Variants in WDHD1 observed in about 807,000 individuals in gnomAD.
WDHD1 encodes the protein WD repeat and HMG-box DNA-binding protein 1.
WDHD1 carries 111 observed loss-of-function variants against 135.4 expected under a neutral mutation model. The observed-to-expected ratio is 0.82, with a 90% CI of 0.70 to 0.96. The LOEUF is 0.96. WDHD1 is among the 40% of genes least tolerant of loss of function. The pLI is 0.00. For synonymous variants in WDHD1, 434 were observed against 439.0 expected (o/e 0.99, Z 0.14); for missense variants, 1,351 against 1,336.3 (o/e 1.01, Z -0.17).
In WDHD1 at chr14:54,966,516, CTTGA is replaced by C; in HGVS notation, c.2265_2268del (p.Asn755LysfsTer10). The C allele has an allele frequency of 6.2e-7, 1 of 1,607,420 alleles. No individual in the cohort carries two copies. Among genetic ancestry groups the C allele is most frequent in the Non-Finnish European group, 8.5e-7 (1 of 1,178,682 alleles). On this transcript the variant is annotated frameshift_variant, in exon 18 of 26. Coordinates refer to ENST00000360586, the MANE Select transcript of WDHD1 (RefSeq NM_007086.4). LOFTEE classifies it high-confidence loss of function. ...AAAAGTTCCTGTTGCTCTTTTGTTG[CTTGA>C]TTTTTAGTGCTCTCTTCATATTCAT...
At chr14:55,013,338 G>T in intron 3 of WDHD1, 147 bp downstream of exon 3, 1 of 538,810 alleles carries the variant, frequency 1.9e-6, no homozygotes, top group Non-Finnish European at 3.2e-6. Flanking sequence ...AAATGGTAGG[G>T]CAAGTTACGG....
intron 24 of WDHD1, among the ~76,000 whole-genome samples, chr14:54,948,228 G>A (rs1392568975): frequency 1.3e-5 from 2 of 152,038 alleles, no homozygotes; most frequent in Non-Finnish European, 2.9e-5. Flanking sequence ...GTGGCACACC[G>A]AGTGTGAGCT....
chr14:55,017,200 C>T (rs966989870), intron 2 of WDHD1, among the ~76,000 whole-genome samples: 2 of 152,112 alleles, frequency 1.3e-5, no homozygotes, highest in Non-Finnish European at 2.9e-5. Flanking sequence ...CAAACTTTGG[C>T]AGGAAATAGC....
rs561642706 is a variant in WDHD1, at chr14:54,958,062, A to G, written c.2702-427T>C. 1.7e-3 allele frequency among the ~76,000 whole-genome samples: 254 copies of G among 152,206 alleles called. 1 individual carries two copies. The highest frequency in any genetic ancestry group is 2.7e-3 in the Non-Finnish European group (183 of 68,004). On this transcript the variant is annotated intron_variant, in intron 21 of 25. Transcript: ENST00000360586. ...AGTCTCCCAACTTAAAAAGAAACAA[A>G]AAACAAACCTTCTCTACCCCACATT... is the stretch of plus-strand genomic sequence containing the variant.
rs1303682782 is a variant in WDHD1 at position 55,026,767 on chromosome 14, T to G, written c.21A>C (p.Pro7=). MPATRK[P]MRYGHTEGHT... is the part of the protein sequence containing the mutation. ...GTCCCTCTGTATGCCCATATCTCAT[T>G]GGCTTCCGTGTGGCAGGCATGTTTT... The change falls in exon 2 of 26, where the codon CCA becomes CCC. Residue 7 remains proline, a synonymous_variant. Coordinates refer to ENST00000360586, the MANE Select transcript of WDHD1 (RefSeq NM_007086.4). The G allele has an allele frequency of 6.2e-7, 1 of 1,614,228 alleles. No individual in the cohort carries two copies. The highest frequency in any genetic ancestry group is 8.5e-7 in the Non-Finnish European group (1 of 1,180,030).
chr14:54,987,437 C>CATATAT (rs139807986), intron 13 of WDHD1, 50 bp from the exon 14 acceptor site: 250,935 of 1,318,456 alleles, frequency 0.19, 15,012 homozygotes, highest in Non-Finnish European at 0.2. Flanking sequence ...ATGATATTTA[C>CATATAT]ATATATATAT....
chr14:54,997,035 C>G (rs1452704187), intron 10 of WDHD1, among the ~76,000 whole-genome samples: 2 of 151,278 alleles, frequency 1.3e-5, no homozygotes, highest in Non-Finnish European at 2.9e-5. Flanking sequence ...CGTGATCCAC[C>G]CGCCTCAGAC....
intron 18 of WDHD1, among the ~76,000 whole-genome samples, chr14:54,965,881 G>A (rs1439946214): frequency 1.3e-5 from 2 of 151,564 alleles, no homozygotes; most frequent in Admixed American, 6.6e-5. Context: ...ACTTGAACCC[G>A]GGAAGTGGAG....
intron 3 of WDHD1, among the ~76,000 whole-genome samples, chr14:55,013,194 CAAAA>C (rs71448422): frequency 1.8e-4 from 15 of 82,316 alleles, no homozygotes; most frequent in African/African-American, 3.6e-4. Context: ...GATCCCGTTT[CAAAA>C]AAAAAAAAAA....
intron 1 of WDHD1, 56 bp from the exon 2 acceptor site, chr14:55,026,859 G>T: frequency 1.3e-6 from 2 of 1,565,090 alleles, no homozygotes; most frequent in Non-Finnish European, 1.8e-6. Flanking sequence ...AAGCAGCGAG[G>T]CTAGGGATAG....
chr14:55,010,300 G>T lies in WDHD1; in HGVS notation c.341+9C>A. ...CATTATTTCCTTTTCTGATGTCAAAGAGCCTTACCTAGATCCAGCAGCAAT... is the reference window on the plus strand; with the variant it reads ...CATTATTTCCTTTTCTGATGTCAAATAGCCTTACCTAGATCCAGCAGCAAT... On this transcript the variant is annotated intron_variant, in intron 4 of 25. Transcript: ENST00000360586. The T allele has an allele frequency of 6.3e-7, 1 of 1,575,742 alleles. No individual in the cohort carries two copies. Among genetic ancestry groups the T allele is most frequent in the Non-Finnish European group, 8.6e-7 (1 of 1,163,236 alleles).
At chr14:55,013,681 G>C (rs1355858404) in intron 2 of WDHD1, 85 bp from the exon 3 acceptor site, 23 of 1,036,332 alleles carry the variant, frequency 2.2e-5, no homozygotes, top group Admixed American at 3.5e-5. Flanking sequence ...CAAGGTGGGA[G>C]GATTGCTTGA....
At chr14:54,969,317 C>T (rs1259024297) in intron 16 of WDHD1, among the ~76,000 whole-genome samples, 1 of 147,882 alleles carries the variant, frequency 6.8e-6, no homozygotes, top group Non-Finnish European at 1.5e-5. Context: ...TGAGCCACCG[C>T]GCCCAGCATT....
At chr14:54,953,735 A>G (rs2041102438) in intron 24 of WDHD1, among the ~76,000 whole-genome samples, 2 of 152,224 alleles carry the variant, frequency 1.3e-5, no homozygotes, top group Non-Finnish European at 2.9e-5. Flanking sequence ...ATGTTCATCA[A>G]TGATAGACTA....
In WDHD1 at chr14:54,944,313, T is replaced by C; in HGVS notation, c.3189+19A>G. ...CTGGGAATTCACTAAGATCTCAATC[T>C]CGGCACAATTATCCTTACCTTTCTT... On this transcript the variant is annotated intron_variant, in intron 25 of 25. Transcript: ENST00000360586. 1 of 1,597,210 alleles carries C rather than the reference T, an allele frequency of 6.3e-7. No homozygotes were observed. Among genetic ancestry groups the C allele is most frequent in the Non-Finnish European group, 8.5e-7 (1 of 1,176,182 alleles).
intron 11 of WDHD1, among the ~76,000 whole-genome samples, chr14:54,993,861 A>G (rs2041834230): frequency 6.6e-6 from 1 of 152,176 alleles, no homozygotes; most frequent in South Asian, 2.1e-4. Flanking sequence ...TAATATGTAA[A>G]TGACGATAGC....
At chr14:54,979,161 G>A (rs1448147124) in intron 16 of WDHD1, among the ~76,000 whole-genome samples, 2 of 151,896 alleles carry the variant, frequency 1.3e-5, no homozygotes, top group Non-Finnish European at 2.9e-5. Flanking sequence ...TCACACCAAA[G>A]TTCTTTTTTT....
At chr14:55,001,545 G>A (rs1183105558) in intron 8 of WDHD1, among the ~76,000 whole-genome samples, 1 of 152,182 alleles carries the variant, frequency 6.6e-6, no homozygotes, top group African/African-American at 2.4e-5. Context: ...TTACAGGCAT[G>A]AGCCACTGTG....
chr14:54,956,884 C>T, intron 23 of WDHD1, 150 bp downstream of exon 23: 1 of 933,210 alleles, frequency 1.1e-6, no homozygotes, highest in Non-Finnish European at 1.5e-6. Flanking sequence ...GCCACTGTGC[C>T]TAGCTGCAAA....
Sources: allele counts gnomAD v4.1 joint callset (sites outside exome capture counted in the v4.1 genomes callset), GRCh38; gene constraint gnomAD v4.1.1; transcripts MANE v1.5; gene names NCBI Gene and HGNC (gene_info 2026-07-23, HGNC 2026-07-21).